NEBL: variants seen among roughly 807,000 people sequenced by gnomAD.
NEBL encodes LIM and SH3 protein 2.
In NEBL, 122 loss-of-function variants were observed where a neutral mutation model predicts 140.2. That is an observed-to-expected ratio of 0.87 (90% CI 0.75 to 1.01). The LOEUF (loss-of-function observed/expected upper bound fraction) is 1.01. Ranked by LOEUF, NEBL falls within the 50% of genes least tolerant of loss-of-function variation. NEBL has a pLI of 0.00. For synonymous variants in NEBL, 436 were observed against 398.9 expected, an observed-to-expected ratio of 1.09 and a Z score of -1.11; for missense variants, 1,365 against 1,231.3, an observed-to-expected ratio of 1.11 and a Z score of -1.62.
intron 2 of NEBL, among the ~76,000 whole-genome samples, chr10:21,079,290 C>A (rs1191245468): frequency 1.3e-5 from 2 of 152,138 alleles, no homozygotes; most frequent in African/African-American, 4.8e-5. Flanking sequence ...AGTAGTACCA[C>A]CATCTTGAGA....
intron 4 of NEBL, among the ~76,000 whole-genome samples, chr10:20,887,679 A>G (rs780415515): frequency 6.6e-6 from 1 of 152,126 alleles, no homozygotes; most frequent in Non-Finnish European, 1.5e-5. Context: ...GGCCTCCTGA[A>G]GTACTGGGAT....
At chr10:20,980,484 C>A (rs1403568984) in intron 3 of NEBL, among the ~76,000 whole-genome samples, 1 of 152,110 alleles carries the variant, frequency 6.6e-6, no homozygotes, top group African/African-American at 2.4e-5. Flanking sequence ...TGTACAAACA[C>A]CTGCAGTGCA....
chr10:20,824,879 C>CATCG (rs1839685779), intron 18 of NEBL, among the ~76,000 whole-genome samples: 1 of 152,160 alleles, frequency 6.6e-6, no homozygotes, highest in South Asian at 2.1e-4. Flanking sequence ...AACCACAGTA[C>CATCG]ATCGATGGGT....
At chr10:21,029,348 G>A in intron 2 of NEBL, 1 of 1,611,532 alleles carries the variant, frequency 6.2e-7, no homozygotes, top group Non-Finnish European at 8.5e-7. Context: ...GAATTCTTTA[G>A]AGGATTAATT....
At chr10:21,031,089 G>A (rs574980689) in intron 2 of NEBL, among the ~76,000 whole-genome samples, 2 of 152,364 alleles carry the variant, frequency 1.3e-5, no homozygotes, top group Admixed American at 1.3e-4. Context: ...GACAATGGCT[G>A]TCTTCGTGGA....
At chr10:20,896,483 CAT>C (rs57289458) in intron 2 of NEBL, among the ~76,000 whole-genome samples, 1,550 of 87,992 alleles carry the variant, frequency 0.018, 75 homozygotes, top group Admixed American at 0.1. Context: ...ATATTATATG[CAT>C]ATATATATAT....
chr10:21,180,058 A>T (rs1052932092), intron 3 of NEBL, among the ~76,000 whole-genome samples: 1 of 152,062 alleles, frequency 6.6e-6, no homozygotes, highest in African/African-American at 2.4e-5. Context: ...AATTACTTGA[A>T]CCTGGGAGGT....
intron 3 of NEBL, among the ~76,000 whole-genome samples, chr10:21,220,252 G>A (rs1246320391): frequency 6.6e-6 from 1 of 152,104 alleles, no homozygotes; most frequent in Non-Finnish European, 1.5e-5. Context: ...CAACTTTACT[G>A]AATTCATTTA....
intron 17 of NEBL, among the ~76,000 whole-genome samples, chr10:20,826,929 G>T (rs2130877017): frequency 6.6e-6 from 1 of 152,266 alleles, no homozygotes; most frequent in South Asian, 2.1e-4. Flanking sequence ...AAAAGAAAAT[G>T]ACATTTTAGG....
At chr10:20,824,013 G>T (rs1839606836) in intron 18 of NEBL, among the ~76,000 whole-genome samples, 1 of 152,094 alleles carries the variant, frequency 6.6e-6, no homozygotes, top group African/African-American at 2.4e-5. Flanking sequence ...TATATTTAGA[G>T]GAAGATCAAT....
intron 2 of NEBL, among the ~76,000 whole-genome samples, chr10:21,033,145 G>A (rs1833865939): frequency 6.6e-6 from 1 of 152,140 alleles, no homozygotes; most frequent in African/African-American, 2.4e-5. Flanking sequence ...GCAGCCCTGT[G>A]ATTTGTGCCC....
chr10:20,885,852 C>T (rs1179407890), intron 4 of NEBL, among the ~76,000 whole-genome samples: 1 of 152,112 alleles, frequency 6.6e-6, no homozygotes, highest in Admixed American at 6.5e-5. Flanking sequence ...AAATAAAGGG[C>T]ATATTAGTCA....
chr10:21,050,865 T>G lies in NEBL; in HGVS notation c.165-30664A>C, dbSNP rs74122615. The stretch of plus-strand genomic sequence containing the variant: ...TAGGGGCTGTGCTCTCTGTCTCCAG[T>G]ACACAGCACTGTTTCCTATGTTAAA... On this transcript the variant is annotated intron_variant, in intron 2 of 6. Coordinates refer to the NEBL transcript ENST00000417816. Among the ~76,000 whole-genome samples the G allele has an allele frequency of 3.6e-3, 542 of 152,324 alleles. 3 individuals carry two copies. Among genetic ancestry groups the G allele is most frequent in the African/African-American group, 0.012 (517 of 41,576 alleles).
chr10:20,815,772 CTTAT>C, intron 21 of NEBL, 55 bp from the exon 22 acceptor site: 7 of 1,217,858 alleles, frequency 5.7e-6, no homozygotes, highest in South Asian at 2.4e-5. Context: ...AACAAAGAGA[CTTAT>C]TTATTTATTT....
chr10:21,130,204 C>T (rs1177756992), intron 2 of NEBL, among the ~76,000 whole-genome samples: 1 of 152,014 alleles, frequency 6.6e-6, no homozygotes, highest in Non-Finnish European at 1.5e-5. Flanking sequence ...GATGATATAA[C>T]AGTCTTTAAC....
intron 2 of NEBL, among the ~76,000 whole-genome samples, chr10:21,116,208 G>A (rs1404743913): frequency 1.3e-5 from 2 of 151,968 alleles, no homozygotes; most frequent in Admixed American, 6.6e-5. Context: ...ACCATAGACT[G>A]GGTGGCTTAA....
chr10:21,240,730 A>G (rs1186378358), intron 3 of NEBL, among the ~76,000 whole-genome samples: 1 of 152,194 alleles, frequency 6.6e-6, no homozygotes, highest in African/African-American at 2.4e-5. Flanking sequence ...CTAACAAATG[A>G]TGTTACAAGT....
At chr10:20,900,254 A>G (rs1479340842), upstream of NEBL, among the ~76,000 whole-genome samples, 1 of 152,256 alleles carries the variant, frequency 6.6e-6, no homozygotes, top group Admixed American at 6.5e-5. Context: ...ACCAAGAGAC[A>G]TCACTTATGG....
intron 3 of NEBL, among the ~76,000 whole-genome samples, chr10:20,977,121 A>C (rs1463641352): frequency 6.6e-6 from 1 of 152,220 alleles, no homozygotes; most frequent in Non-Finnish European, 1.5e-5. Flanking sequence ...AGAACACCCA[A>C]AGTCAAATCT....
Sources: allele counts gnomAD v4.1 joint callset (sites outside exome capture counted in the v4.1 genomes callset), GRCh38; gene constraint gnomAD v4.1.1; transcripts MANE v1.5; gene names NCBI Gene and HGNC (gene_info 2026-07-23, HGNC 2026-07-21).